Variants in CPQ observed in about 807,000 individuals in gnomAD.
CPQ encodes carboxypeptidase Q, also known as Ser-Met dipeptidase.
In CPQ, 37 loss-of-function variants were observed where a neutral mutation model predicts 45.7. That is an observed-to-expected ratio of 0.81 (90% CI 0.62 to 1.07). CPQ has a LOEUF of 1.07. Among genes scored for constraint, CPQ ranks in the 50% least tolerant of loss-of-function variants. CPQ has a pLI of 0.00. For missense variants in CPQ, 537 were observed against 572.9 expected, an observed-to-expected ratio of 0.94 and a Z score of 0.64; for synonymous variants, 186 against 205.8, an observed-to-expected ratio of 0.90 and a Z score of 0.82.
At chr8:97,099,118 T>C (rs1489178322) in intron 7 of CPQ, among the ~76,000 whole-genome samples, 3 of 115,524 alleles carry the variant, frequency 2.6e-5, no homozygotes, top group East Asian at 2.4e-4. Flanking sequence ...TCTCTCTCTT[T>C]TTTTTTTTTT....
At chr8:96,814,138 A>G (rs1811195478) in intron 2 of CPQ, among the ~76,000 whole-genome samples, 1 of 152,082 alleles carries the variant, frequency 6.6e-6, no homozygotes, top group South Asian at 2.1e-4. Context: ...TAAATCAAGG[A>G]TGATATAAAC....
Position 96,720,736 on chromosome 8 carries a change from T to C in CPQ, c.-34-64128T>C, listed in dbSNP as rs1809751711. On this transcript the variant is annotated intron_variant, in intron 1 of 7. Transcript: ENST00000220763. ...CTCCATGAAGTTTTAATACCACAGA[T>C]ATAACTCTATATCTGTTTATGTACT... Among the ~76,000 whole-genome samples, 3 of 152,144 alleles carry C rather than the reference T, an allele frequency of 2.0e-5. No homozygotes were observed. The South Asian group carries it at 6.2e-4, about 32-fold the overall frequency.
At chr8:97,041,250 T>C (rs1810118189) in intron 6 of CPQ, among the ~76,000 whole-genome samples, 1 of 152,190 alleles carries the variant, frequency 6.6e-6, no homozygotes. Flanking sequence ...AAAGCAATTG[T>C]GAATGGGAGT....
intron 4 of CPQ, among the ~76,000 whole-genome samples, chr8:96,914,260 G>A (rs936229575): frequency 2.0e-5 from 3 of 152,132 alleles, no homozygotes; most frequent in African/African-American, 7.2e-5. Context: ...GGCAAGGGTG[G>A]TTACTACAAG....
At chr8:96,686,776 A>G (rs376562468) in intron 1 of CPQ, among the ~76,000 whole-genome samples, 9 of 152,248 alleles carry the variant, frequency 5.9e-5, no homozygotes, top group African/African-American at 2.2e-4. Flanking sequence ...GTGTTTCTTA[A>G]AAATTTGTCA....
In CPQ at chr8:97,092,068, T is replaced by C. The variant is rs180998902; in HGVS notation, c.1255+25858T>C. Among the ~76,000 whole-genome samples the C allele has an allele frequency of 2.0e-5, 3 of 152,298 alleles. No homozygotes were observed. In the East Asian group the frequency reaches 5.8e-4, roughly 29 times the overall value. On this transcript the variant is annotated intron_variant, in intron 7 of 7. Coordinates refer to ENST00000220763, the MANE Select transcript of CPQ (RefSeq NM_016134.4). ...ATACGTACATATGCATTGCATCTGTTTGACACATAATACTGAAACCGTATA... is the reference window on the plus strand; with the variant it reads ...ATACGTACATATGCATTGCATCTGTCTGACACATAATACTGAAACCGTATA...
chr8:96,815,347 C>G (rs1811214286), intron 2 of CPQ, among the ~76,000 whole-genome samples: 1 of 152,012 alleles, frequency 6.6e-6, no homozygotes. Context: ...TACACATTCT[C>G]ATTTCATCCA....
At chr8:96,796,614 C>T (rs1471014147) in intron 2 of CPQ, among the ~76,000 whole-genome samples, 1 of 152,156 alleles carries the variant, frequency 6.6e-6, no homozygotes, top group East Asian at 1.9e-4. Flanking sequence ...CTCTAAGGAA[C>T]AGTTCTTTAG....
At position 96,660,304 on chromosome 8, in the gene CPQ, G is replaced by A. The variant is rs114796595; in HGVS notation, c.-35+14902G>A. On this transcript the variant is annotated intron_variant, in intron 1 of 7. Transcript: ENST00000220763. ...TCTGTGCATGCACACCCCTGATATC[G>A]CTCTGTGTATTCCAGTTTCCTCTTC... is the stretch of plus-strand genomic sequence containing the variant. Among the ~76,000 whole-genome samples, 296 of 152,152 alleles carry A rather than the reference G, an allele frequency of 1.9e-3. 2 individuals carry two copies. Among genetic ancestry groups the A allele is most frequent in the African/African-American group, 6.7e-3 (280 of 41,490 alleles).
At chr8:97,004,127 G>T (rs1280226449) in intron 5 of CPQ, among the ~76,000 whole-genome samples, 1 of 151,652 alleles carries the variant, frequency 6.6e-6, no homozygotes, top group African/African-American at 2.4e-5. Flanking sequence ...AAAAATCACA[G>T]AATTTAACTT....
intron 1 of CPQ, among the ~76,000 whole-genome samples, chr8:96,679,155 T>A (rs1809115239): frequency 6.6e-6 from 1 of 152,154 alleles, no homozygotes; most frequent in South Asian, 2.1e-4. Flanking sequence ...AACTGAATGC[T>A]TTTTCTATGT....
intron 7 of CPQ, among the ~76,000 whole-genome samples, chr8:97,111,965 T>C (rs895409448): frequency 2.0e-5 from 3 of 152,088 alleles, no homozygotes; most frequent in African/African-American, 7.2e-5. Context: ...TCCACACTGA[T>C]CTCCAGGAAA....
intron 1 of CPQ, among the ~76,000 whole-genome samples, chr8:96,777,751 TATATATATA>T (rs1353638804): frequency 4.3e-4 from 6 of 13,828 alleles, no homozygotes; most frequent in East Asian, 2.6e-3. Context: ...TATATATATA[TATATATATA>T]TTTTTTTTTT....
At chr8:97,080,647 G>A (rs975395035) in intron 7 of CPQ, among the ~76,000 whole-genome samples, 2 of 151,986 alleles carry the variant, frequency 1.3e-5, no homozygotes, top group African/African-American at 4.8e-5. Context: ...CCCCTCATGG[G>A]GACTTTTAAC....
chr8:96,646,355 CTA>C (rs1815520131), intron 1 of CPQ, among the ~76,000 whole-genome samples: 1 of 152,138 alleles, frequency 6.6e-6, no homozygotes, highest in Non-Finnish European at 1.5e-5. Context: ...ATCATTGTCA[CTA>C]TAATATTATT....
rs527485894 is a variant in CPQ at position 96,938,470 on chromosome 8, G to A, written c.850-27465G>A. ...TTAATAAAGGGACTATTTATATGAT[G>A]TAGAGAGGGTATAGGGAAAGCACAG... On this transcript the variant is annotated intron_variant, in intron 4 of 7. Coordinates refer to ENST00000220763, the MANE Select transcript of CPQ (RefSeq NM_016134.4). 2.0e-4 allele frequency among the ~76,000 whole-genome samples: 30 copies of A among 152,284 alleles called. No homozygotes were observed. The South Asian group carries it at 5.8e-3, about 29-fold the overall frequency.
chr8:97,131,846 C>T (rs1276759087), intron 7 of CPQ, among the ~76,000 whole-genome samples: 1 of 152,112 alleles, frequency 6.6e-6, no homozygotes, highest in African/African-American at 2.4e-5. Flanking sequence ...AGACTGATTC[C>T]AATTCCAAAC....
At chr8:97,110,640 C>T (rs967243763) in intron 7 of CPQ, among the ~76,000 whole-genome samples, 1 of 152,136 alleles carries the variant, frequency 6.6e-6, no homozygotes, top group Non-Finnish European at 1.5e-5. Context: ...CTTCTGTGTC[C>T]TCCTTCTTGG....
At chr8:96,647,319 CTG>C (rs1279910424) in intron 1 of CPQ, among the ~76,000 whole-genome samples, 1 of 152,156 alleles carries the variant, frequency 6.6e-6, no homozygotes, top group East Asian at 1.9e-4. Flanking sequence ...CTTTCTCACA[CTG>C]TTTTCCCAAT....
Sources: gnomAD v4.1 joint callset for allele counts (sites outside exome capture counted in the v4.1 genomes callset) on GRCh38, gnomAD v4.1.1 for gene constraint, MANE v1.5 for transcripts, NCBI Gene and HGNC (gene_info 2026-07-23, HGNC 2026-07-21) for gene names.